The following JAKMIP2 variants were observed in gnomAD, a reference collection of about 807,000 sequenced individuals.
JAKMIP2 encodes janus kinase and microtubule-interacting protein 2.
In JAKMIP2, 25 loss-of-function variants were observed where a neutral mutation model predicts 115.0. The observed-to-expected ratio is 0.22, with a 90% CI of 0.16 to 0.30. The LOEUF (loss-of-function observed/expected upper bound fraction) is 0.30, where lower values mean the gene tolerates loss of function less well. Among genes scored for constraint, JAKMIP2 ranks in the 10% least tolerant of loss-of-function variants. The pLI is 1.00. For synonymous variants in JAKMIP2, 334 were observed against 343.6 expected, an observed-to-expected ratio of 0.97 and a Z score of 0.31; for missense variants, 642 against 957.6, an observed-to-expected ratio of 0.67 and a Z score of 4.35.
chr5:147,633,459 T>C (rs1477028429), intron 12 of JAKMIP2, among the ~76,000 whole-genome samples: 3 of 152,202 alleles, frequency 2.0e-5, no homozygotes, highest in Non-Finnish European at 4.4e-5. Context: ...GAGCAAATTC[T>C]ACACTTCTTT....
intron 12 of JAKMIP2, among the ~76,000 whole-genome samples, chr5:147,633,312 C>T (rs1054359816): frequency 3.3e-5 from 5 of 152,152 alleles, no homozygotes; most frequent in Admixed American, 6.5e-5. Flanking sequence ...GTCATCTCTG[C>T]ACAAACACAC....
rs150037670 is a variant in JAKMIP2 at position 147,741,641 on chromosome 5, G to T, written c.-149+40815C>A. 3.9e-4 allele frequency among the ~76,000 whole-genome samples: 59 copies of T among 152,170 alleles called. No homozygotes were observed. In the East Asian group the frequency reaches 0.011, roughly 29 times the overall value. ...ATTATACAGAAAACTGGTAAAGATG[G>T]GTAATATTCATTCTAGGTTTTAACT... On this transcript the variant is annotated intron_variant, in intron 1 of 21. Coordinates refer to ENST00000616793, the MANE Select transcript of JAKMIP2 (RefSeq NM_001270941.2).
chr5:147,754,630 C>A (rs1287451101), intron 1 of JAKMIP2, among the ~76,000 whole-genome samples: 1 of 152,066 alleles, frequency 6.6e-6, no homozygotes, highest in African/African-American at 2.4e-5. Flanking sequence ...CAAACAGCTA[C>A]TAAAAGTTTA....
At chr5:147,646,916 A>G (rs1203168161) in intron 5 of JAKMIP2, among the ~76,000 whole-genome samples, 1 of 151,814 alleles carries the variant, frequency 6.6e-6, no homozygotes, top group Non-Finnish European at 1.5e-5. Flanking sequence ...TTAAATTTAA[A>G]GAACTAAGAA....
chr5:147,659,543 G>T (rs1357009948), intron 3 of JAKMIP2, among the ~76,000 whole-genome samples: 1 of 152,188 alleles, frequency 6.6e-6, no homozygotes, highest in East Asian at 1.9e-4. Flanking sequence ...TCAGCAATAT[G>T]CCGGTGAAAG....
intron 8 of JAKMIP2, 149 bp downstream of exon 8, chr5:147,641,559 A>T: frequency 1.7e-6 from 1 of 573,840 alleles, no homozygotes; most frequent in South Asian, 2.6e-5. Context: ...GTCAACAGAA[A>T]ATATTTTCTT....
At chr5:147,741,861 G>A (rs78057620) in intron 1 of JAKMIP2, among the ~76,000 whole-genome samples, 1 of 151,758 alleles carries the variant, frequency 6.6e-6, no homozygotes, top group South Asian at 2.1e-4. Flanking sequence ...CAGAACTCAA[G>A]AATAACTCCA....
chr5:147,651,693 GCTACT>G, intron 3 of JAKMIP2, among the ~76,000 whole-genome samples: 1 of 152,208 alleles, frequency 6.6e-6, no homozygotes. Context: ...ATATCTGTGA[GCTACT>G]GCCTGTGAGT....
At chr5:147,744,687 A>T (rs1170041844) in intron 1 of JAKMIP2, among the ~76,000 whole-genome samples, 1 of 152,200 alleles carries the variant, frequency 6.6e-6, no homozygotes. Context: ...AAATATAAAC[A>T]TTTAAAATGG....
At chr5:147,703,466 G>A (rs528383857) in intron 1 of JAKMIP2, among the ~76,000 whole-genome samples, 15 of 152,168 alleles carry the variant, frequency 9.9e-5, no homozygotes, top group Non-Finnish European at 1.5e-4. Context: ...ATAAGTGAGT[G>A]GTGAGTGAAC....
intron 20 of JAKMIP2, among the ~76,000 whole-genome samples, chr5:147,608,908 G>A (rs10038603): frequency 0.76 from 116,247 of 152,092 alleles, 45,692 homozygotes; most frequent in Non-Finnish European, 0.87. Flanking sequence ...TTGTTGCATC[G>A]ATCTCTTTAC....
At chr5:147,734,727 C>T (rs1366248520) in intron 1 of JAKMIP2, among the ~76,000 whole-genome samples, 1 of 151,336 alleles carries the variant, frequency 6.6e-6, no homozygotes, top group Non-Finnish European at 1.5e-5. Flanking sequence ...TTTACCATTG[C>T]TGTTTCAGCA....
At chr5:147,652,005 C>T (rs944716186) in intron 3 of JAKMIP2, among the ~76,000 whole-genome samples, 4 of 152,134 alleles carry the variant, frequency 2.6e-5, no homozygotes, top group African/African-American at 9.7e-5. Flanking sequence ...TATGTACTCA[C>T]CTTGTTAAAC....
At chr5:147,606,669 A>G (rs879010729) in intron 20 of JAKMIP2, among the ~76,000 whole-genome samples, 1 of 152,076 alleles carries the variant, frequency 6.6e-6, no homozygotes, top group African/African-American at 2.4e-5. Context: ...ATATGGGCTC[A>G]TCTTTGGTTC....
intron 19 of JAKMIP2, among the ~76,000 whole-genome samples, chr5:147,617,412 G>A (rs1217210192): frequency 6.6e-6 from 1 of 152,184 alleles, no homozygotes; most frequent in Non-Finnish European, 1.5e-5. Flanking sequence ...TGTAAGTAGA[G>A]TCCTTAGTTT....
At chr5:147,764,940 G>GAAA (rs1755078480) in intron 1 of JAKMIP2, among the ~76,000 whole-genome samples, 2 of 76,980 alleles carry the variant, frequency 2.6e-5, no homozygotes, top group East Asian at 5.6e-4. Flanking sequence ...GAGAGAGAGA[G>GAAA]AGAGAGGGAG....
intron 19 of JAKMIP2, among the ~76,000 whole-genome samples, chr5:147,615,097 T>C (rs2126636967): frequency 6.6e-6 from 1 of 152,360 alleles, no homozygotes; most frequent in Non-Finnish European, 1.5e-5. Context: ...TCTGCCCCTG[T>C]CCCTCTGTGA....
In JAKMIP2 at chr5:147,702,553, G is replaced by GAAGAAAGAAAGAAAGAAAGAAGGAAAGA. The variant is rs1561547103; in HGVS notation, c.-148-30600_-148-30599insTCTTTCCTTCTTTCTTTCTTTCTTTCTT. ...AGGGAGAGAGAGAGAGACAAAGAAA[G>GAAGAAAGAAAGAAAGAAAGAAGGAAAGA]AAGAAAGAAAGAAAGAAAGAAAGAA... On this transcript the variant is annotated intron_variant, in intron 1 of 21. Coordinates refer to ENST00000616793, the MANE Select transcript of JAKMIP2 (RefSeq NM_001270941.2). Among the ~76,000 whole-genome samples the GAAGAAAGAAAGAAAGAAAGAAGGAAAGA allele has an allele frequency of 5.4e-4, 56 of 104,158 alleles. 2 individuals are homozygous for GAAGAAAGAAAGAAAGAAAGAAGGAAAGA. The highest frequency in any genetic ancestry group is 7.2e-4 in the African/African-American group (16 of 22,310). 68.3% of individuals were successfully genotyped at this position (104,158 alleles called of 152,430 possible).
intron 12 of JAKMIP2, 34 bp from the exon 13 acceptor site, chr5:147,632,812 T>G (rs1047327997): frequency 2.2e-6 from 3 of 1,384,814 alleles, no homozygotes; most frequent in East Asian, 4.6e-5. Flanking sequence ...AGGTAAGCAT[T>G]GAGAAAAGCA....
Sources: gnomAD v4.1 joint callset for allele counts (sites outside exome capture counted in the v4.1 genomes callset) on GRCh38, gnomAD v4.1.1 for gene constraint, MANE v1.5 for transcripts, NCBI Gene and HGNC (gene_info 2026-07-23, HGNC 2026-07-21) for gene names.